TAB2: variants seen among roughly 807,000 people sequenced by gnomAD.
TAB2 encodes TGF-beta-activated kinase 1 and MAP3K7-binding protein 2.
TAB2 carries 3 observed loss-of-function variants against 65.0 expected under a neutral mutation model. The ratio of observed to expected loss-of-function variants is 0.05; its 90% CI spans 0.02 to 0.12. The LOEUF (loss-of-function observed/expected upper bound fraction) is 0.12. TAB2 is among the 10% of genes least tolerant of loss of function. The probability of loss-of-function intolerance (pLI) is 1.00; values close to 1 mark genes in which losing one functional copy is unlikely to be tolerated. For synonymous variants in TAB2, 298 were observed against 285.1 expected (o/e 1.05, Z -0.46); for missense variants, 623 against 840.3 (o/e 0.74, Z 3.20).
At chr6:149,299,735 G>A (rs998977859) in intron 1 of TAB2, among the ~76,000 whole-genome samples, 1 of 152,180 alleles carries the variant, frequency 6.6e-6, no homozygotes, top group African/African-American at 2.4e-5. Context: ...TACTACACCA[G>A]GGGCAGGGCT....
intron 1 of TAB2, among the ~76,000 whole-genome samples, chr6:149,254,003 AAAGAAAGAAAGAAAG>A (rs1777931453): frequency 1.3e-5 from 2 of 148,258 alleles, no homozygotes; most frequent in Non-Finnish European, 1.5e-5. Context: ...AGAAAGAAAG[AAAGAAAGAAAGAAAG>A]AAAGAAAAGA....
At chr6:149,363,308 A>G (rs1259124031) in intron 1 of TAB2, among the ~76,000 whole-genome samples, 1 of 152,056 alleles carries the variant, frequency 6.6e-6, no homozygotes, top group Non-Finnish European at 1.5e-5. Flanking sequence ...CGCCCCTATG[A>G]TTCATTCACC....
At chr6:149,374,452 G>A (rs1583135820) in intron 2 of TAB2, among the ~76,000 whole-genome samples, 1 of 152,066 alleles carries the variant, frequency 6.6e-6, no homozygotes, top group Non-Finnish European at 1.5e-5. Flanking sequence ...CAAACTCCTG[G>A]GCCCAGCGAT....
rs76039641 is a variant in TAB2, at chr6:149,284,902, A to C, written c.-121+66126A>C. Reference sequence around the variant, plus strand: ...CTCTCCCTTTGGTGTGATTTTGCCAAGTCCATCATCCCCACACCTTCCTAA... The same window carrying C: ...CTCTCCCTTTGGTGTGATTTTGCCACGTCCATCATCCCCACACCTTCCTAA... On this transcript the variant is annotated intron_variant, in intron 1 of 1. Transcript: ENST00000606202. Among the ~76,000 whole-genome samples, 1,398 of 152,244 alleles carry C rather than the reference A, an allele frequency of 9.2e-3. 15 individuals carry two copies. Among genetic ancestry groups the C allele is most frequent in the African/African-American group, 0.031 (1,275 of 41,544 alleles).
intron 1 of TAB2, among the ~76,000 whole-genome samples, chr6:149,326,668 G>T (rs748652255): frequency 2.0e-5 from 3 of 151,686 alleles, no homozygotes; most frequent in Middle Eastern, 3.4e-3. Context: ...CTGCCTCAGC[G>T]TCCTGAGTAG....
chr6:149,265,165 C>T (rs1484242303), intron 1 of TAB2, among the ~76,000 whole-genome samples: 11 of 145,952 alleles, frequency 7.5e-5, no homozygotes, highest in Non-Finnish European at 1.0e-4. Flanking sequence ...GAAAAAAATG[C>T]GTTTTAAATG....
chr6:149,388,022 A>T (rs1781859548), intron 3 of TAB2, among the ~76,000 whole-genome samples: 1 of 152,240 alleles, frequency 6.6e-6, no homozygotes, highest in Non-Finnish European at 1.5e-5. Flanking sequence ...CTGTGAGATT[A>T]CTAGGAGTGA....
chr6:149,308,383 C>A (rs1008296364), intron 1 of TAB2, among the ~76,000 whole-genome samples: 8 of 152,108 alleles, frequency 5.3e-5, no homozygotes, highest in Non-Finnish European at 1.0e-4. Context: ...TTTAAAAAAT[C>A]TTTGCCATTA....
At chr6:149,317,097 C>A (rs1173868655), upstream of TAB2, among the ~76,000 whole-genome samples, 3 of 151,246 alleles carry the variant, frequency 2.0e-5, no homozygotes, top group Admixed American at 1.3e-4. This position sits in a 1 kb window ranked among gnomAD's most constrained non-coding sequence, Gnocchi z 4.7. Flanking sequence ...CGGCAAGTCC[C>A]GCCACCCACT....
chr6:149,238,336 T>G (rs767835527), intron 1 of TAB2, among the ~76,000 whole-genome samples: 53 of 152,210 alleles, frequency 3.5e-4, no homozygotes, highest in Non-Finnish European at 6.9e-4. Flanking sequence ...CTTCTCTACC[T>G]TTCTGTACCC....
chr6:149,248,478 AAGAAAGAG>A (rs961560157), intron 1 of TAB2, among the ~76,000 whole-genome samples: 2 of 148,088 alleles, frequency 1.4e-5, no homozygotes, highest in Non-Finnish European at 3.0e-5. Flanking sequence ...GAAAGAAAGA[AAGAAAGAG>A]AGAGAGAGAG....
At chr6:149,288,854 ATTTT>A (rs71007938) in intron 1 of TAB2, among the ~76,000 whole-genome samples, 3,375 of 115,324 alleles carry the variant, frequency 0.029, 40 homozygotes, top group Middle Eastern at 0.078. Context: ...TTAATTTTTA[ATTTT>A]TTTTTTTTTT....
chr6:149,318,460 C>T lies in TAB2; in HGVS notation c.-90+445C>T, dbSNP rs905456641. On this transcript the variant is annotated intron_variant, in intron 1 of 6. Transcript: ENST00000637181. ...AGCCGAGGTCTAGTTAAAGATGACT[C>T]AGGGGCGGGGGTTTTGGGGACAGAC... The T allele has an allele frequency of 2.2e-3, 130 of 59,478 alleles. 1 individual carries two copies. In the Admixed American group the frequency reaches 0.026, roughly 12 times the overall value. 3.7% of individuals were successfully genotyped at this position (59,478 alleles called of 1,614,324 possible).
intron 1 of TAB2, among the ~76,000 whole-genome samples, chr6:149,349,275 C>A (rs1452129886): frequency 1.3e-5 from 2 of 151,730 alleles, no homozygotes; most frequent in African/African-American, 4.8e-5. Flanking sequence ...AAAAACTTAG[C>A]CAGGCACGGT....
At chr6:149,400,274 C>T in intron 6 of TAB2, 1 of 1,147,704 alleles carries the variant, frequency 8.7e-7, no homozygotes, top group East Asian at 2.5e-5. Context: ...TGCACGCACC[C>T]TCTCCCTCAT....
intron 2 of TAB2, among the ~76,000 whole-genome samples, chr6:149,374,960 T>C (rs1288745142): frequency 6.6e-6 from 1 of 152,210 alleles, no homozygotes; most frequent in Non-Finnish European, 1.5e-5. Context: ...AAATGAAATA[T>C]GTAGGCCTTA....
At chr6:149,303,624 T>C (rs1315737514) in intron 1 of TAB2, among the ~76,000 whole-genome samples, 1 of 152,226 alleles carries the variant, frequency 6.6e-6, no homozygotes, top group East Asian at 1.9e-4. Flanking sequence ...TTTCTTAAAG[T>C]TCTACAATAA....
intron 1 of TAB2, among the ~76,000 whole-genome samples, chr6:149,221,888 G>A (rs1286251771): frequency 1.3e-5 from 2 of 152,114 alleles, no homozygotes; most frequent in Non-Finnish European, 2.9e-5. Flanking sequence ...TTACTCACCC[G>A]TTCTTGACCA....
chr6:149,375,258 CTT>C (rs1467926981), intron 2 of TAB2, among the ~76,000 whole-genome samples: 2 of 152,044 alleles, frequency 1.3e-5, no homozygotes, highest in Non-Finnish European at 1.5e-5. Flanking sequence ...TTTCCTCTCT[CTT>C]TTATATATGT....
Sources: gnomAD v4.1 joint callset for allele counts (sites outside exome capture counted in the v4.1 genomes callset) on GRCh38, gnomAD v4.1.1 for gene constraint, Gnocchi (gnomAD v3.1) non-coding constraint, MANE v1.5 for transcripts, NCBI Gene and HGNC (gene_info 2026-07-23, HGNC 2026-07-21) for gene names.